SCAPER: variants seen among roughly 807,000 people sequenced by gnomAD.
The protein encoded by SCAPER is S phase cyclin A-associated protein in the endoplasmic reticulum.
Under a neutral mutation model 182.2 loss-of-function variants are expected in SCAPER, and 98 were observed. The ratio of observed to expected loss-of-function variants is 0.54; its 90% CI spans 0.46 to 0.64. SCAPER has a LOEUF of 0.64. Ranked by LOEUF, SCAPER falls within the 30% of genes least tolerant of loss-of-function variation. SCAPER has a pLI of 0.00. For missense variants in SCAPER, 1,432 were observed against 1,690.0 expected (o/e 0.85, Z 2.68); for synonymous variants, 605 against 564.6 (o/e 1.07, Z -1.01).
rs575179843 is a variant in SCAPER, at chr15:76,543,937, T to C, written c.2838+30221A>G. Reference sequence around the variant, plus strand: ...TGGGAGGACATATTTGCAGATAACATTTCTAAGGGACTTATATATCCAGAA... The same window carrying C: ...TGGGAGGACATATTTGCAGATAACACTTCTAAGGGACTTATATATCCAGAA... On this transcript the variant is annotated intron_variant, in intron 23 of 31. Coordinates refer to ENST00000563290, the MANE Select transcript of SCAPER (RefSeq NM_020843.4). Among the ~76,000 whole-genome samples the C allele has an allele frequency of 2.0e-5, 3 of 152,282 alleles. No individual in the cohort carries two copies. The East Asian group carries it at 5.8e-4, about 29-fold the overall frequency.
In SCAPER at chr15:76,452,240, A is replaced by G. The variant is rs115152523; in HGVS notation, c.3079-17930T>C. Among the ~76,000 whole-genome samples, 163 of 152,344 alleles carry G rather than the reference A, an allele frequency of 1.1e-3. 3 individuals carry two copies. Among genetic ancestry groups the G allele is most frequent in the African/African-American group, 3.8e-3 (160 of 41,580 alleles). Reference sequence around the variant, plus strand: ...TGTATTTCCAGGCTTGTTAGACACAAAAGAACAGAACTATTCCCTTGCATT... The same window carrying G: ...TGTATTTCCAGGCTTGTTAGACACAGAAGAACAGAACTATTCCCTTGCATT... On this transcript the variant is annotated intron_variant, in intron 25 of 31. Transcript: ENST00000563290.
chr15:76,854,298 A>G (rs940843556), intron 4 of SCAPER, among the ~76,000 whole-genome samples: 1 of 152,040 alleles, frequency 6.6e-6, no homozygotes, highest in Non-Finnish European at 1.5e-5. Context: ...AGTCATTAGC[A>G]TTCTTATACA....
chr15:76,904,284 C>T (rs1419392126), intron 1 of SCAPER, among the ~76,000 whole-genome samples: 1 of 152,164 alleles, frequency 6.6e-6, no homozygotes, highest in Non-Finnish European at 1.5e-5. Context: ...AGTATTACTC[C>T]TAGCCCATCC....
intron 21 of SCAPER, among the ~76,000 whole-genome samples, chr15:76,663,383 T>C (rs920359577): frequency 9.2e-5 from 14 of 152,124 alleles, no homozygotes; most frequent in African/African-American, 3.4e-4. Context: ...ACAATTCTAC[T>C]TGTAGGTATT....
At chr15:76,821,717 GC>G (rs767728265) in intron 5 of SCAPER, among the ~76,000 whole-genome samples, 1 of 152,020 alleles carries the variant, frequency 6.6e-6, no homozygotes, top group African/African-American at 2.4e-5. Flanking sequence ...GACTGCTTGA[GC>G]CCAGGAGCGA....
chr15:76,733,725 G>A (rs2061067437), intron 15 of SCAPER, among the ~76,000 whole-genome samples: 1 of 152,030 alleles, frequency 6.6e-6, no homozygotes, highest in Non-Finnish European at 1.5e-5. Flanking sequence ...CTGCACTCCA[G>A]CCTGGGTGAC....
chr15:76,888,411 A>C (rs930643468), intron 1 of SCAPER, among the ~76,000 whole-genome samples: 2 of 152,180 alleles, frequency 1.3e-5, no homozygotes, highest in African/African-American at 4.8e-5. Flanking sequence ...CATTGCAAGG[A>C]AGCTCAAAAA....
intron 17 of SCAPER, among the ~76,000 whole-genome samples, chr15:76,720,512 C>T (rs1353903922): frequency 1.3e-5 from 2 of 152,184 alleles, no homozygotes; most frequent in Non-Finnish European, 2.9e-5. Flanking sequence ...ACACTGACTT[C>T]CACAATGGTT....
intron 22 of SCAPER, among the ~76,000 whole-genome samples, chr15:76,612,885 C>T (rs1194174763): frequency 6.6e-6 from 1 of 152,162 alleles, no homozygotes; most frequent in Non-Finnish European, 1.5e-5. Context: ...TCCCATTAAA[C>T]TACCATTGAT....
At chr15:76,820,220 C>T (rs1331570516) in intron 5 of SCAPER, among the ~76,000 whole-genome samples, 2 of 152,008 alleles carry the variant, frequency 1.3e-5, no homozygotes, top group Non-Finnish European at 2.9e-5. Flanking sequence ...ACCATTTGAC[C>T]CAGCCATCCC....
chr15:76,367,257 T>C (rs2041873909), intron 29 of SCAPER, among the ~76,000 whole-genome samples: 1 of 152,184 alleles, frequency 6.6e-6, no homozygotes, highest in African/African-American at 2.4e-5. Flanking sequence ...CAATATTTGT[T>C]CCATTGTGAT....
At chr15:76,839,698 C>A (rs1368672297) in intron 5 of SCAPER, among the ~76,000 whole-genome samples, 2 of 152,056 alleles carry the variant, frequency 1.3e-5, no homozygotes, top group Admixed American at 6.5e-5. Flanking sequence ...AACTTACACA[C>A]AAAAAAATCT....
chr15:76,561,147 A>C (rs535548192), intron 23 of SCAPER, among the ~76,000 whole-genome samples: 1 of 152,362 alleles, frequency 6.6e-6, no homozygotes, highest in African/African-American at 2.4e-5. Context: ...ATATAGCCAG[A>C]GAGTTAGCAT....
intron 7 of SCAPER, among the ~76,000 whole-genome samples, chr15:76,798,021 G>A (rs2065457902): frequency 6.6e-6 from 1 of 151,894 alleles, no homozygotes; most frequent in African/African-American, 2.4e-5. Context: ...CGGACATTGG[G>A]CTTACTAGAC....
At chr15:76,676,230 C>T (rs1019052450) in intron 20 of SCAPER, among the ~76,000 whole-genome samples, 1 of 152,132 alleles carries the variant, frequency 6.6e-6, no homozygotes, top group Non-Finnish European at 1.5e-5. Context: ...GGGCCCTGAG[C>T]CTTGATGGCA....
At chr15:76,616,711 A>C (rs1455751818) in intron 22 of SCAPER, among the ~76,000 whole-genome samples, 1 of 152,142 alleles carries the variant, frequency 6.6e-6, no homozygotes, top group Non-Finnish European at 1.5e-5. Flanking sequence ...GATATGAAGT[A>C]CTGATGACTT....
chr15:76,524,688 T>C (rs1423844747), intron 23 of SCAPER, among the ~76,000 whole-genome samples: 5 of 111,554 alleles, frequency 4.5e-5, no homozygotes, highest in Non-Finnish European at 7.5e-5. Context: ...TTTTTTGTTC[T>C]GTTTTTTTTT....
intron 23 of SCAPER, among the ~76,000 whole-genome samples, chr15:76,567,744 G>T (rs936967613): frequency 6.6e-6 from 1 of 151,908 alleles, no homozygotes; most frequent in Non-Finnish European, 1.5e-5. Context: ...TAATTTGTAG[G>T]AATTCCTTCT....
intron 17 of SCAPER, among the ~76,000 whole-genome samples, chr15:76,720,106 T>A (rs958712665): frequency 8.3e-6 from 1 of 120,308 alleles, no homozygotes; most frequent in African/African-American, 3.1e-5. Flanking sequence ...CAGTCCCCAG[T>A]GTGTGATGTT....
Sources: allele counts gnomAD v4.1 joint callset (sites outside exome capture counted in the v4.1 genomes callset), GRCh38; gene constraint gnomAD v4.1.1; transcripts MANE v1.5; gene names NCBI Gene and HGNC (gene_info 2026-07-23, HGNC 2026-07-21).